Variants in LRBA observed in about 807,000 individuals in gnomAD.
The protein encoded by LRBA is lipopolysaccharide-responsive and beige-like anchor protein.
LRBA carries 176 observed loss-of-function variants against 330.0 expected under a neutral mutation model. That is an observed-to-expected ratio of 0.53 (90% CI 0.47 to 0.60). The LOEUF (loss-of-function observed/expected upper bound fraction) is 0.60. Ranked by LOEUF, LRBA falls within the 20% of genes least tolerant of loss-of-function variation. The pLI is 0.00. For synonymous variants in LRBA, 1,230 were observed against 1,193.0 expected (o/e 1.03, Z -0.64); for missense variants, 3,259 against 3,444.8 (o/e 0.95, Z 1.35).
intron 48 of LRBA, among the ~76,000 whole-genome samples, chr4:150,335,500 T>TAC (rs1291454067): frequency 6.8e-6 from 1 of 146,970 alleles, no homozygotes; most frequent in Non-Finnish European, 1.5e-5. Flanking sequence ...TGTATATATA[T>TAC]ATACACACAC....
intron 52 of LRBA, among the ~76,000 whole-genome samples, chr4:150,306,284 T>C (rs1218761030): frequency 6.6e-6 from 1 of 152,200 alleles, no homozygotes; most frequent in Non-Finnish European, 1.5e-5. Flanking sequence ...AAGGATTTTT[T>C]TTTTTGGCTT....
intron 2 of LRBA, among the ~76,000 whole-genome samples, chr4:150,941,986 T>C (rs955365524): frequency 6.6e-6 from 1 of 152,182 alleles, no homozygotes; most frequent in Non-Finnish European, 1.5e-5. Context: ...AATTATGAGT[T>C]CGATACTATA....
rs139231683 is a variant in LRBA, at chr4:150,605,970, C to A, written c.5922-6839G>T. Reference sequence around the variant, plus strand: ...AAGCAGAATTCTTTCTTTATTGAGGCCTGACATTGAGACACTGGAGTATCA... The same window carrying A: ...AAGCAGAATTCTTTCTTTATTGAGGACTGACATTGAGACACTGGAGTATCA... On this transcript the variant is annotated intron_variant, in intron 37 of 56. Transcript: ENST00000651943. Among the ~76,000 whole-genome samples the A allele has an allele frequency of 3.3e-5, 5 of 152,134 alleles. No individual in the cohort carries two copies. In the East Asian group the frequency reaches 9.6e-4, roughly 29 times the overall value.
intron 17 of LRBA, among the ~76,000 whole-genome samples, chr4:150,874,517 C>T (rs1753789227): frequency 6.6e-6 from 1 of 152,280 alleles, no homozygotes; most frequent in Admixed American, 6.5e-5. Context: ...CGTCGCAGGC[C>T]TGGGGTGGGA....
At chr4:150,480,864 C>T (rs1757219995) in intron 42 of LRBA, among the ~76,000 whole-genome samples, 1 of 152,118 alleles carries the variant, frequency 6.6e-6, no homozygotes, top group African/African-American at 2.4e-5. Flanking sequence ...CTCCTCCTAG[C>T]TATTTGAAAC....
intron 17 of LRBA, among the ~76,000 whole-genome samples, chr4:150,874,256 C>T (rs1753759881): frequency 6.6e-6 from 1 of 152,050 alleles, no homozygotes; most frequent in Admixed American, 6.5e-5. Context: ...ACCCTAGTTC[C>T]CGAGAGCACT....
intron 34 of LRBA, among the ~76,000 whole-genome samples, chr4:150,792,203 TAA>T (rs397879893): frequency 3.2e-4 from 45 of 139,072 alleles, no homozygotes; most frequent in Non-Finnish European, 4.0e-4. Flanking sequence ...AAGTTTTAGT[TAA>T]AAAAAAAAAA....
intron 52 of LRBA, among the ~76,000 whole-genome samples, chr4:150,308,433 A>G (rs1276405383): frequency 1.3e-5 from 2 of 152,268 alleles, no homozygotes; most frequent in Non-Finnish European, 1.5e-5. Context: ...TGTATAGTGC[A>G]TAATACTTGA....
chr4:150,569,559 C>T (rs28367335), intron 40 of LRBA, among the ~76,000 whole-genome samples: 13,840 of 152,106 alleles, frequency 0.091, 1,190 homozygotes, highest in African/African-American at 0.22. Context: ...TTAGTCATAA[C>T]TACTATAACT....
At chr4:150,779,643 T>C (rs575600421) in intron 34 of LRBA, among the ~76,000 whole-genome samples, 6 of 152,262 alleles carry the variant, frequency 3.9e-5, no homozygotes, top group African/African-American at 1.4e-4. Context: ...AAAATCATTA[T>C]TTATTAAGTT....
chr4:150,765,201 AC>A (rs1428090525), intron 34 of LRBA, among the ~76,000 whole-genome samples: 3 of 152,100 alleles, frequency 2.0e-5, no homozygotes, highest in Non-Finnish European at 4.4e-5. Flanking sequence ...CTACTATATG[AC>A]ATTTTGGAAA....
Position 150,446,853 on chromosome 4 carries a change from C to A in LRBA, c.6781-9989G>T, listed in dbSNP as rs371338823. 4.6e-5 allele frequency among the ~76,000 whole-genome samples: 7 copies of A among 152,190 alleles called. 1 individual carries two copies. Among genetic ancestry groups the A allele is most frequent in the African/African-American group, 1.7e-4 (7 of 41,526 alleles). On this transcript the variant is annotated intron_variant, in intron 44 of 56. Coordinates refer to ENST00000651943, the MANE Select transcript of LRBA (RefSeq NM_001364905.1). ...CAAGAGGGTATGTTGGGATAGTCAT[C>A]AACATAGAGAACTTACATTTTACCC...
At chr4:150,647,352 C>CTATT (rs1554072184) in intron 37 of LRBA, among the ~76,000 whole-genome samples, 2 of 79,798 alleles carry the variant, frequency 2.5e-5, no homozygotes, top group Non-Finnish European at 4.4e-5. Context: ...ATTACTTTTT[C>CTATT]TTTTTTTTTT....
chr4:150,561,644 G>T (rs571885179), intron 40 of LRBA, among the ~76,000 whole-genome samples: 6 of 152,240 alleles, frequency 3.9e-5, no homozygotes, highest in African/African-American at 1.4e-4. Flanking sequence ...AAAAGGTAAG[G>T]AAACGAATTC....
At position 150,583,249 on chromosome 4, in the gene LRBA, T is replaced by A; in HGVS notation, c.6330+4799A>T. 1 of 1,614,160 alleles carries A rather than the reference T, an allele frequency of 6.2e-7. No individual in the cohort carries two copies. The highest frequency in any genetic ancestry group is 8.5e-7 in the Non-Finnish European group (1 of 1,180,022). Reference sequence around the variant, plus strand: ...GCTCGAGGTCATTTCGCCCACCGAATTTGAGGTGGTGCTCTACCTAAACCA... The same window carrying A: ...GCTCGAGGTCATTTCGCCCACCGAAATTGAGGTGGTGCTCTACCTAAACCA... On this transcript the variant is annotated intron_variant, in intron 40 of 56. Coordinates refer to ENST00000651943, the MANE Select transcript of LRBA (RefSeq NM_001364905.1). The surrounding 1 kb of genome is among the most constrained non-coding windows in gnomAD (Gnocchi z 9.8).
intron 40 of LRBA, among the ~76,000 whole-genome samples, chr4:150,511,506 G>C (rs11940776): frequency 0.39 from 59,559 of 151,958 alleles, 12,251 homozygotes; most frequent in Non-Finnish European, 0.47. Flanking sequence ...TCATGCTTAA[G>C]CATCTCCCAG....
rs377357029 is a variant in LRBA, at chr4:150,614,767, T to G, written c.5922-15636A>C. ...CACCTCAGCCCAGAAAGGACATACATGTAATCTACTCACATTCCACTCATC... is the reference window on the plus strand; with the variant it reads ...CACCTCAGCCCAGAAAGGACATACAGGTAATCTACTCACATTCCACTCATC... On this transcript the variant is annotated intron_variant, in intron 37 of 56. Coordinates refer to ENST00000651943, the MANE Select transcript of LRBA (RefSeq NM_001364905.1). Among the ~76,000 whole-genome samples, 8 of 152,208 alleles carry G rather than the reference T, an allele frequency of 5.3e-5. No homozygotes were observed. In the East Asian group the frequency reaches 1.3e-3, roughly 26 times the overall value.
intron 34 of LRBA, among the ~76,000 whole-genome samples, chr4:150,792,505 T>TCTTA (rs886850876): frequency 1.2e-4 from 19 of 152,084 alleles, no homozygotes; most frequent in African/African-American, 4.6e-4. Context: ...AGTTGACGTT[T>TCTTA]TTTATTTATT....
intron 31 of LRBA, among the ~76,000 whole-genome samples, chr4:150,815,785 T>C (rs912015049): frequency 5.3e-5 from 8 of 151,896 alleles, no homozygotes; most frequent in Admixed American, 2.0e-4. Flanking sequence ...CATAATACAC[T>C]TTCTTGCTTT....
Sources: allele counts gnomAD v4.1 joint callset (sites outside exome capture counted in the v4.1 genomes callset), GRCh38; gene constraint gnomAD v4.1.1; non-coding constraint Gnocchi (gnomAD v3.1); transcripts MANE v1.5; gene names NCBI Gene and HGNC (gene_info 2026-07-23, HGNC 2026-07-21).